Variants in CYB561D1 observed in about 807,000 individuals in gnomAD.
The protein encoded by CYB561D1 is probable transmembrane reductase CYB561D1.
A neutral mutation model predicts 19.2 loss-of-function variants in CYB561D1; 15 were observed. That is an observed-to-expected ratio of 0.78 (90% CI 0.52 to 1.20). CYB561D1 has a LOEUF of 1.20. Ranked by LOEUF, CYB561D1 falls within the 50% of genes most tolerant of loss-of-function variation. The probability of loss-of-function intolerance (pLI) is 0.00; values close to 1 mark genes in which losing one functional copy is unlikely to be tolerated. For synonymous variants in CYB561D1, 133 were observed against 120.6 expected (o/e 1.10, Z -0.68); for missense variants, 297 against 287.3 (o/e 1.03, Z -0.24).
Position 109,495,610 on chromosome 1 carries a change from A to G in CYB561D1, c.187-146A>G, listed in dbSNP as rs554715122. 3 of 1,484,080 alleles carry G rather than the reference A, an allele frequency of 2.0e-6. No homozygotes were observed. In the South Asian group the frequency reaches 4.0e-5, roughly 20 times the overall value. 91.9% of individuals were successfully genotyped at this position (1,484,080 alleles called of 1,614,324 possible). On this transcript the variant is annotated intron_variant, in intron 2 of 2. Transcript: ENST00000420578. The stretch of plus-strand genomic sequence containing the variant: ...TGCTGATTCCCAAATGTTCCCAGAA[A>G]TGTTGAGCTGTGAGGCTGGTGGTCC...
rs1385345195 is a variant in CYB561D1 at position 109,497,864 on chromosome 1, T to C, written c.*1605T>C. On this transcript the variant is annotated 3_prime_UTR_variant, in exon 3 of 3. Transcript: ENST00000420578. ...AGAATGGGGACAGCAAGGGCAGAAGTGTCCTCTCCACGTAACTCATTATGC... is the reference window on the plus strand; with the variant it reads ...AGAATGGGGACAGCAAGGGCAGAAGCGTCCTCTCCACGTAACTCATTATGC... 6.6e-6 allele frequency: 1 copy of C among 152,256 alleles called. No homozygotes were observed. Among genetic ancestry groups the C allele is most frequent in the African/African-American group, 2.4e-5 (1 of 41,440 alleles). 9.4% of individuals were successfully genotyped at this position (152,256 alleles called of 1,614,324 possible).
chr1:109,494,370 A>T, intron 1 of CYB561D1, 83 bp downstream of exon 1: 2 of 1,518,876 alleles, frequency 1.3e-6, no homozygotes, highest in South Asian at 2.5e-5. Flanking sequence ...GGAGACTTGG[A>T]GGAGGGACCC....
rs1451225350 is a variant in CYB561D1, at chr1:109,497,829, G to C, written c.*1570G>C. ...GTAAGGAGGTTGGTTTGATTCAATA[G>C]TATGGGGACAGAATGGGGACAGCAA... On this transcript the variant is annotated 3_prime_UTR_variant, in exon 3 of 3. Transcript: ENST00000420578. 7 of 130,866 alleles carry C rather than the reference G, an allele frequency of 5.3e-5. No homozygotes were observed. The highest frequency in any genetic ancestry group is 1.5e-4 in the African/African-American group (5 of 33,000). The allele number at this position is 130,866 out of a possible 1,614,324, so 8.1% of individuals were successfully genotyped here. A position where few individuals can be genotyped will look rare whatever the true frequency, so the allele number is the denominator to read the frequency against.
chr1:109,494,847 CAAAA>C (rs1233232829), intron 1 of CYB561D1, among the ~76,000 whole-genome samples: 4 of 144,256 alleles, frequency 2.8e-5, no homozygotes, highest in African/African-American at 5.6e-5. Context: ...AAAAAAAAAA[CAAAA>C]AACAACAACC....
At position 109,498,146 on chromosome 1, in the gene CYB561D1, G is replaced by T. The variant is rs1657677548; in HGVS notation, c.*1887G>T. 2.6e-5 allele frequency: 4 copies of T among 152,008 alleles called. No homozygotes were observed. Among genetic ancestry groups the T allele is most frequent in the Admixed American group, 1.3e-4 (2 of 15,274 alleles). 9.4% of individuals were successfully genotyped at this position (152,008 alleles called of 1,614,324 possible). A position where few individuals can be genotyped will look rare whatever the true frequency, so the allele number is the denominator to read the frequency against. On this transcript the variant is annotated 3_prime_UTR_variant, in exon 3 of 3. Transcript: ENST00000420578. ...CTTCTACCTGCCGCAGGGTAGGAGG[G>T]CCAGGCAAAGTTCACCAGCTTGCTC...
Position 109,500,224 on chromosome 1 carries a change from G to T in CYB561D1, c.*3965G>T, listed in dbSNP as rs75834941. The T allele has an allele frequency of 3.4e-3, 518 of 152,368 alleles. 7 individuals are homozygous for T. The highest frequency in any genetic ancestry group is 0.012 in the African/African-American group (482 of 41,570). The allele number at this position is 152,368 out of a possible 1,614,324, so 9.4% of individuals were successfully genotyped here. A position where few individuals can be genotyped will look rare whatever the true frequency, so the allele number is the denominator to read the frequency against. Reference sequence around the variant, plus strand: ...TGCTCCTGTGTCTGGTTGGCACAAAGATCCTGTGTAACATGAAATGAAAGG... The same window carrying T: ...TGCTCCTGTGTCTGGTTGGCACAAATATCCTGTGTAACATGAAATGAAAGG... On this transcript the variant is annotated 3_prime_UTR_variant, in exon 3 of 3. Transcript: ENST00000420578.
chr1:109,495,680 A>G lies in CYB561D1; in HGVS notation c.187-76A>G, dbSNP rs770731414. ...CTTACCCTTTGTCCTCTTTGTTAGGATGTATGAGAGCACCTCCTTTTTCTC... is the reference window on the plus strand; with the variant it reads ...CTTACCCTTTGTCCTCTTTGTTAGGGTGTATGAGAGCACCTCCTTTTTCTC... On this transcript the variant is annotated intron_variant, in intron 2 of 2. Coordinates refer to ENST00000420578, the MANE Select transcript of CYB561D1 (RefSeq NM_182580.3). 24 of 1,612,574 alleles carry G rather than the reference A, an allele frequency of 1.5e-5. No individual in the cohort carries two copies. In the South Asian group the frequency reaches 2.5e-4, roughly 17 times the overall value.
rs1011165823 is a variant in CYB561D1 at position 109,496,429 on chromosome 1, A to G, written c.*170A>G. The stretch of plus-strand genomic sequence containing the variant: ...TGTTGAGGAATAATTCAGTGGGTCA[A>G]AATGGGGAGATGTACTGGGTATGAG... On this transcript the variant is annotated 3_prime_UTR_variant, in exon 3 of 3. Coordinates refer to ENST00000420578, the MANE Select transcript of CYB561D1 (RefSeq NM_182580.3). 2 of 678,210 alleles carry G rather than the reference A, an allele frequency of 2.9e-6. No individual in the cohort carries two copies. The highest frequency in any genetic ancestry group is 2.4e-5 in the South Asian group (1 of 41,790). 42.0% of individuals were successfully genotyped at this position (678,210 alleles called of 1,614,324 possible). A position where few individuals can be genotyped will look rare whatever the true frequency, so the allele number is the denominator to read the frequency against.
Position 109,498,980 on chromosome 1 carries a change from T to C in CYB561D1, c.*2721T>C, listed in dbSNP as rs1453977338. 1.3e-5 allele frequency: 2 copies of C among 152,060 alleles called. No individual in the cohort carries two copies. Among genetic ancestry groups the C allele is most frequent in the Non-Finnish European group, 2.9e-5 (2 of 68,012 alleles). 9.4% of individuals were successfully genotyped at this position (152,060 alleles called of 1,614,324 possible). A position where few individuals can be genotyped will look rare whatever the true frequency, so the allele number is the denominator to read the frequency against. ...GATTATATTCCAAATTTGATTATAT[T>C]CCAAATTTGATTATATTCAGATTCA... is the stretch of plus-strand genomic sequence containing the variant. On this transcript the variant is annotated 3_prime_UTR_variant, in exon 3 of 3. Transcript: ENST00000420578.
At chr1:109,495,557 A>T in intron 2 of CYB561D1, 199 bp from the exon 3 acceptor site, 3 of 987,164 alleles carry the variant, frequency 3.0e-6, no homozygotes, top group Non-Finnish European at 4.4e-6. Flanking sequence ...GGGAGATGTC[A>T]ACCTGAATGA....
intron 1 of CYB561D1, among the ~76,000 whole-genome samples, chr1:109,494,826 G>A (rs1360013624): frequency 1.3e-5 from 2 of 150,374 alleles, no homozygotes; most frequent in Non-Finnish European, 3.0e-5. Context: ...GACAGAGCGA[G>A]ACTCCGTATC....
In CYB561D1 at chr1:109,497,693, G is replaced by C. The variant is rs1286230244; in HGVS notation, c.*1434G>C. The C allele has an allele frequency of 6.6e-6, 1 of 152,266 alleles. No homozygotes were observed. Among genetic ancestry groups the C allele is most frequent in the Non-Finnish European group, 1.5e-5 (1 of 68,052 alleles). The allele number at this position is 152,266 out of a possible 1,614,324, so 9.4% of individuals were successfully genotyped here. Reference sequence around the variant, plus strand: ...GGAACTCTGGGAAGCCTGGGATGTAGGCGCTGGAGCTCCAGTTCCCAGGAG... The same window carrying C: ...GGAACTCTGGGAAGCCTGGGATGTACGCGCTGGAGCTCCAGTTCCCAGGAG... On this transcript the variant is annotated 3_prime_UTR_variant, in exon 3 of 3. Transcript: ENST00000420578.
intron 1 of CYB561D1, 45 bp from the exon 2 acceptor site, chr1:109,495,098 G>C: frequency 6.2e-7 from 1 of 1,609,550 alleles, no homozygotes; most frequent in Non-Finnish European, 8.5e-7. Flanking sequence ...TACAGGGGCA[G>C]GAACAATGGT....
Position 109,495,971 on chromosome 1 carries a change from A to G in CYB561D1, c.402A>G (p.Thr134=), listed in dbSNP as rs778625595. The stretch of plus-strand genomic sequence containing the variant: ...GGCACAGCTGGGTGGGAGCCCTGAC[A>G]CTGCTGGCCACTGCTGTCCAGGCAC... The part of the protein sequence containing the change: ...VSWHSWVGAL[T]LLATAVQALC... Residue 134 remains threonine, a synonymous_variant, in exon 3 of 3, where the codon ACA becomes ACG. Coordinates refer to ENST00000420578, the MANE Select transcript of CYB561D1 (RefSeq NM_182580.3). 1 of 1,611,278 alleles carries G rather than the reference A, an allele frequency of 6.2e-7. No individual in the cohort carries two copies. Among genetic ancestry groups the G allele is most frequent in the Non-Finnish European group, 8.5e-7 (1 of 1,177,918 alleles).
At position 109,495,825 on chromosome 1, in the gene CYB561D1, C is replaced by G. The variant is rs758438034; in HGVS notation, c.256C>G (p.Arg86Gly). Reference sequence around the variant, plus strand: ...ACACTCCCTGTTCTTCTTCTGCTCCCGAAAAGCACGGATCCGGCTCCACTG... The same window carrying G: ...ACACTCCCTGTTCTTCTTCTGCTCCGGAAAAGCACGGATCCGGCTCCACTG... ...PEHSLFFFCSRKARIRLHWAG... is the reference protein window; with the variant it reads ...PEHSLFFFCSGKARIRLHWAG... Residue 86 changes from arginine (R) to glycine (G), a missense_variant, in exon 3 of 3, where the codon CGA becomes GGA. By Grantham distance (125) the Arg-to-Gly change is moderately radical. Coordinates refer to ENST00000420578, the MANE Select transcript of CYB561D1 (RefSeq NM_182580.3). The G allele has an allele frequency of 3.7e-6, 6 of 1,613,852 alleles. No homozygotes were observed. Among genetic ancestry groups the G allele is most frequent in the Admixed American group, 3.3e-5 (2 of 60,012 alleles).
At position 109,494,285 on chromosome 1, in the gene CYB561D1, C is replaced by T. The variant is rs1571104597; in HGVS notation, c.146C>T (p.Thr49Ile). The T allele has an allele frequency of 1.3e-6, 2 of 1,584,476 alleles. No homozygotes were observed. Among genetic ancestry groups the T allele is most frequent in the Non-Finnish European group, 1.7e-6 (2 of 1,164,430 alleles). ...CTGACAGCGCTGTCCCGGCCAGGAA[C>T]CAGTGAGTGTGCGGGGCGGGGTTGC... ...IFLTALSRPG[T>I]SLFSWHPVFM... Residue 49 changes from threonine to isoleucine, a missense_variant and splice_region_variant, in exon 1 of 3, where the codon ACC becomes ATC. Thr to Ile is a moderately conservative substitution (Grantham distance 89). Coordinates refer to ENST00000420578, the MANE Select transcript of CYB561D1 (RefSeq NM_182580.3).
rs766470528 is a variant in CYB561D1 at position 109,496,216 on chromosome 1, A to G, written c.647A>G (p.Gln216Arg). The part of the protein sequence containing the change: ...PVYPALVIMH[Q>R]ISRSYLPRKK... ...TATCCAGCCCTGGTGATCATGCACC[A>G]GATTTCCAGATCCTACTTGCCGAGG... The change falls in exon 3 of 3, where the codon CAG becomes CGG. Residue 216 changes from glutamine (Q) to arginine (R), a missense_variant. Physicochemically the swap from Gln to Arg is conservative, Grantham distance 43 (BLOSUM62 1). Coordinates refer to ENST00000420578, the MANE Select transcript of CYB561D1 (RefSeq NM_182580.3). 11 of 1,580,382 alleles carry G rather than the reference A, an allele frequency of 7.0e-6. No homozygotes were observed. Among genetic ancestry groups the G allele is most frequent in the Non-Finnish European group, 9.5e-6 (11 of 1,156,532 alleles).
rs1657829436 is a variant in CYB561D1 at position 109,500,330 on chromosome 1, T to C, written c.*4071T>C. On this transcript the variant is annotated 3_prime_UTR_variant, in exon 3 of 3. Coordinates refer to ENST00000420578, the MANE Select transcript of CYB561D1 (RefSeq NM_182580.3). ...CTGGTGTGGCTGTGGGCAAACCACTTATTGCCTGACCTACCTCACAGGGAT... is the reference window on the plus strand; with the variant it reads ...CTGGTGTGGCTGTGGGCAAACCACTCATTGCCTGACCTACCTCACAGGGAT... The C allele has an allele frequency of 6.6e-6, 1 of 152,244 alleles. No individual in the cohort carries two copies. The highest frequency in any genetic ancestry group is 1.5e-5 in the Non-Finnish European group (1 of 68,040). 9.4% of individuals were successfully genotyped at this position (152,244 alleles called of 1,614,324 possible). A position where few individuals can be genotyped will look rare whatever the true frequency, so the allele number is the denominator to read the frequency against.
At position 109,495,188 on chromosome 1, in the gene CYB561D1, T is replaced by C. The variant is rs1657454071; in HGVS notation, c.186+8T>C. 1 of 1,614,188 alleles carries C rather than the reference T, an allele frequency of 6.2e-7. No individual in the cohort carries two copies. The highest frequency in any genetic ancestry group is 8.5e-7 in the Non-Finnish European group (1 of 1,179,996). ...GTATTCATGGCCTTGGCGGTGAGTT[T>C]AGGCTTCTATCTGATTTGTTTGGGT... is the stretch of plus-strand genomic sequence containing the variant. On this transcript the variant is annotated splice_region_variant and intron_variant, in intron 2 of 2. Coordinates refer to ENST00000420578, the MANE Select transcript of CYB561D1 (RefSeq NM_182580.3).
Sources: allele counts gnomAD v4.1 joint callset (sites outside exome capture counted in the v4.1 genomes callset), GRCh38; gene constraint gnomAD v4.1.1; transcripts MANE v1.5; gene names NCBI Gene and HGNC (gene_info 2026-07-23, HGNC 2026-07-21).